The following MAPK8 variants were observed in gnomAD, a reference collection of about 807,000 sequenced individuals.
MAPK8 encodes the protein JUN N-terminal kinase.
MAPK8 carries 13 observed loss-of-function variants against 52.9 expected under a neutral mutation model. The ratio of observed to expected loss-of-function variants is 0.25; its 90% CI spans 0.16 to 0.39. MAPK8 has a LOEUF of 0.39. Ranked by LOEUF, MAPK8 falls within the 10% of genes least tolerant of loss-of-function variation. The pLI is 1.00. For synonymous variants in MAPK8, 191 were observed against 169.8 expected (o/e 1.12, Z -0.97); for missense variants, 300 against 519.2 (o/e 0.58, Z 4.10).
At chr10:48,356,440 T>G (rs995892754) in intron 1 of MAPK8, among the ~76,000 whole-genome samples, 1 of 152,176 alleles carries the variant, frequency 6.6e-6, no homozygotes, top group Non-Finnish European at 1.5e-5. Flanking sequence ...GTTCACAGAT[T>G]AAGTAGAAAA....
intron 1 of MAPK8, among the ~76,000 whole-genome samples, chr10:48,355,900 A>G (rs1846874320): frequency 6.6e-6 from 1 of 152,214 alleles, no homozygotes; most frequent in African/African-American, 2.4e-5. Context: ...ACCGTGAATA[A>G]GGTCACACCC....
chr10:48,395,651 GTA>G (rs1191409163), intron 1 of MAPK8, among the ~76,000 whole-genome samples: 3 of 151,938 alleles, frequency 2.0e-5, no homozygotes, highest in African/African-American at 7.2e-5. Context: ...ATTCTAAAAT[GTA>G]TATAGAATTA....
At chr10:48,337,069 C>T (rs1237947241) in intron 1 of MAPK8, among the ~76,000 whole-genome samples, 2 of 152,086 alleles carry the variant, frequency 1.3e-5, no homozygotes, top group African/African-American at 2.4e-5. Context: ...GACAGATCAC[C>T]GCAGAAAACT....
intron 1 of MAPK8, among the ~76,000 whole-genome samples, chr10:48,329,721 C>G (rs1843921921): frequency 6.6e-6 from 1 of 152,040 alleles, no homozygotes; most frequent in African/African-American, 2.4e-5. Flanking sequence ...ACTGGAAATC[C>G]TAGATTCTTA....
chr10:48,316,298 A>G (rs955531393), intron 1 of MAPK8, among the ~76,000 whole-genome samples: 4 of 152,204 alleles, frequency 2.6e-5, no homozygotes, highest in African/African-American at 9.7e-5. Context: ...CAGTACAGTA[A>G]CCTGCTGTAC....
chr10:48,378,112 C>T (rs771646289), intron 1 of MAPK8, among the ~76,000 whole-genome samples: 3 of 152,148 alleles, frequency 2.0e-5, no homozygotes, highest in Non-Finnish European at 4.4e-5. Flanking sequence ...ACCTTTACTC[C>T]TTGTGGTCAA....
chr10:48,429,561 T>C (rs1007451681), intron 10 of MAPK8, among the ~76,000 whole-genome samples: 2 of 152,204 alleles, frequency 1.3e-5, no homozygotes, highest in Admixed American at 1.3e-4. Context: ...TTAGTTTTGG[T>C]TCTTCTGCCT....
chr10:48,364,742 G>A (rs889662932), intron 1 of MAPK8, among the ~76,000 whole-genome samples: 2 of 152,088 alleles, frequency 1.3e-5, no homozygotes, highest in African/African-American at 4.8e-5. Context: ...TTCTGAAATG[G>A]CAGAAACATT....
chr10:48,377,492 A>T (rs2040741819), intron 1 of MAPK8, among the ~76,000 whole-genome samples: 1 of 152,206 alleles, frequency 6.6e-6, no homozygotes, highest in Admixed American at 6.5e-5. Flanking sequence ...TTGCGGTAAG[A>T]TGTGACTGTG....
intron 3 of MAPK8, among the ~76,000 whole-genome samples, chr10:48,406,989 A>G (rs1198534463): frequency 6.6e-6 from 1 of 152,176 alleles, no homozygotes; most frequent in Non-Finnish European, 1.5e-5. Flanking sequence ...GGCCTGCCTT[A>G]CAGTTCCCAT....
chr10:48,395,804 T>C (rs1347334339), intron 1 of MAPK8, among the ~76,000 whole-genome samples: 1 of 152,020 alleles, frequency 6.6e-6, no homozygotes, highest in Non-Finnish European at 1.5e-5. Flanking sequence ...TGAAACAGAA[T>C]TAAAAGTCCA....
At chr10:48,362,982 G>A (rs528624731) in intron 1 of MAPK8, among the ~76,000 whole-genome samples, 10 of 152,032 alleles carry the variant, frequency 6.6e-5, no homozygotes, top group African/African-American at 1.9e-4. Context: ...TTCATGATCC[G>A]CCCACTTCGG....
Position 48,426,043 on chromosome 10 carries a change from G to C in MAPK8, c.844G>C (p.Ala282Pro). ...ACTCTTCCCTGATGTCCTTTTCCCA[G>C]CTGACTCAGAACACAACAAACTTAA... is the stretch of plus-strand genomic sequence containing the variant. ...EKLFPDVLFP[A>P]DSEHNKLKAS... is the part of the protein sequence containing the mutation. The change falls in exon 8 of 12, where the codon GCT (alanine) becomes CCT (proline). Residue 282 changes from alanine to proline, a missense_variant. By Grantham distance (27) the Ala-to-Pro change is conservative. This residue lies in a region of MAPK8 where 147 missense variants were observed against 328.1 expected (regional missense o/e 0.45). Coordinates refer to ENST00000374189, the MANE Select transcript of MAPK8 (RefSeq NM_001323329.2). 1 of 1,611,516 alleles carries C rather than the reference G, an allele frequency of 6.2e-7. No individual in the cohort carries two copies. The highest frequency in any genetic ancestry group is 8.5e-7 in the Non-Finnish European group (1 of 1,178,946).
At chr10:48,360,084 T>C (rs956097782) in intron 1 of MAPK8, among the ~76,000 whole-genome samples, 2 of 152,134 alleles carry the variant, frequency 1.3e-5, no homozygotes, top group African/African-American at 4.8e-5. Flanking sequence ...CCAGAATCAC[T>C]TGAACCTGGG....
At chr10:48,398,927 A>G (rs1439151929) in intron 1 of MAPK8, among the ~76,000 whole-genome samples, 1 of 152,196 alleles carries the variant, frequency 6.6e-6, no homozygotes, top group East Asian at 1.9e-4. Context: ...GATTTTCCTG[A>G]TGATGGTTAC....
chr10:48,330,788 C>T (rs1473597757), intron 1 of MAPK8, among the ~76,000 whole-genome samples: 3 of 152,186 alleles, frequency 2.0e-5, no homozygotes, highest in Admixed American at 6.5e-5. Context: ...AAAGGTTATA[C>T]TCCAGTCCCC....
intron 1 of MAPK8, among the ~76,000 whole-genome samples, chr10:48,331,550 T>C (rs1844150907): frequency 6.6e-6 from 1 of 152,176 alleles, no homozygotes; most frequent in East Asian, 1.9e-4. Context: ...AGTCCACCCC[T>C]GTTCAGCTGT....
chr10:48,341,193 A>C (rs1845220243), intron 1 of MAPK8, among the ~76,000 whole-genome samples: 1 of 152,262 alleles, frequency 6.6e-6, no homozygotes, highest in Non-Finnish European at 1.5e-5. Context: ...TATAATGGAT[A>C]ATACTGGACA....
At chr10:48,322,377 A>G (rs1238245124) in intron 1 of MAPK8, among the ~76,000 whole-genome samples, 1 of 152,102 alleles carries the variant, frequency 6.6e-6, no homozygotes, top group Non-Finnish European at 1.5e-5. Flanking sequence ...AAGACATTAT[A>G]TAAGGAAAAT....
Sources: gnomAD v4.1 joint callset for allele counts (sites outside exome capture counted in the v4.1 genomes callset) on GRCh38, gnomAD v4.1.1 for gene constraint, gnomAD v4.1.1 regional missense constraint, MANE v1.5 for transcripts, NCBI Gene and HGNC (gene_info 2026-07-23, HGNC 2026-07-21) for gene names.